CDC14B: variants seen among roughly 807,000 people sequenced by gnomAD.
CDC14B encodes the protein dual specificity protein phosphatase CDC14B.
A neutral mutation model predicts 64.2 loss-of-function variants in CDC14B; 22 were observed. The observed-to-expected ratio is 0.34, with a 90% CI of 0.24 to 0.49. The LOEUF is 0.49. Among genes scored for constraint, CDC14B ranks in the 20% least tolerant of loss-of-function variants. The pLI, the probability that CDC14B is intolerant of heterozygous loss-of-function variation, is 0.99. For synonymous variants in CDC14B, 191 were observed against 215.8 expected (o/e 0.89, Z 1.01); for missense variants, 498 against 629.9 (o/e 0.79, Z 2.24).
At chr9:96,592,082 G>GT (rs1845825180) in intron 1 of CDC14B, among the ~76,000 whole-genome samples, 1 of 151,036 alleles carries the variant, frequency 6.6e-6, no homozygotes, top group South Asian at 2.1e-4. Flanking sequence ...AACCTTAAGG[G>GT]TTTTTTTGTT....
chr9:96,554,121 G>A (rs759467834), intron 4 of CDC14B, among the ~76,000 whole-genome samples: 7 of 152,024 alleles, frequency 4.6e-5, no homozygotes, highest in Non-Finnish European at 7.4e-5. Flanking sequence ...CCGAGATCGC[G>A]CCACTGCACT....
intron 1 of CDC14B, among the ~76,000 whole-genome samples, chr9:96,569,935 T>C (rs1289592476): frequency 1.3e-5 from 2 of 152,188 alleles, no homozygotes; most frequent in African/African-American, 4.8e-5. Flanking sequence ...CGATTAACTT[T>C]ATAATCCTGT....
intron 4 of CDC14B, among the ~76,000 whole-genome samples, chr9:96,558,185 G>A (rs1338788091): frequency 2.0e-5 from 3 of 152,138 alleles, no homozygotes; most frequent in African/African-American, 7.2e-5. Context: ...AGAGAGGTTG[G>A]TTCTTTGGTA....
At chr9:96,541,566 C>T (rs1327914305) in intron 6 of CDC14B, among the ~76,000 whole-genome samples, 1 of 152,156 alleles carries the variant, frequency 6.6e-6, no homozygotes, top group African/African-American at 2.4e-5. Context: ...GGATCTAGAA[C>T]CTAATCGTAT....
At chr9:96,495,410 C>T (rs1367953680), downstream of CDC14B, among the ~76,000 whole-genome samples, 1 of 141,458 alleles carries the variant, frequency 7.1e-6, no homozygotes, top group Non-Finnish European at 1.6e-5. Flanking sequence ...CGCCCCCCGC[C>T]CCTGCCCAGG....
chr9:96,574,039 C>T (rs1186210786), intron 1 of CDC14B, among the ~76,000 whole-genome samples: 2 of 151,592 alleles, frequency 1.3e-5, no homozygotes, highest in East Asian at 1.9e-4. Context: ...CCCAGCTACT[C>T]GGGAGGCTGA....
At chr9:96,554,939 C>A (rs1842301766) in intron 4 of CDC14B, among the ~76,000 whole-genome samples, 1 of 152,216 alleles carries the variant, frequency 6.6e-6, no homozygotes, top group Admixed American at 6.5e-5. Context: ...TGATCTATCA[C>A]CGTGCTTCTG....
At chr9:96,613,216 A>G (rs181543919) in intron 1 of CDC14B, among the ~76,000 whole-genome samples, 1 of 152,320 alleles carries the variant, frequency 6.6e-6, no homozygotes, top group Non-Finnish European at 1.5e-5. Flanking sequence ...CTGTCCTATC[A>G]ATTCAGTGAT....
intron 1 of CDC14B, among the ~76,000 whole-genome samples, chr9:96,570,508 T>C (rs1232456811): frequency 6.6e-6 from 1 of 152,202 alleles, no homozygotes; most frequent in East Asian, 1.9e-4. Context: ...AAGGAGATTT[T>C]ACATGCTAGG....
chr9:96,556,281 T>C (rs192140447), intron 4 of CDC14B, among the ~76,000 whole-genome samples: 28 of 152,154 alleles, frequency 1.8e-4, no homozygotes, highest in Admixed American at 5.2e-4. Context: ...AAGACTCTTG[T>C]GACTATTTTC....
chr9:96,613,608 A>T (rs555432412), intron 1 of CDC14B, among the ~76,000 whole-genome samples: 1 of 152,364 alleles, frequency 6.6e-6, no homozygotes, highest in Non-Finnish European at 1.5e-5. Context: ...TGAAGAATTA[A>T]GCAAGCATAG....
At chr9:96,599,368 T>G (rs1441059312) in intron 1 of CDC14B, among the ~76,000 whole-genome samples, 1 of 148,648 alleles carries the variant, frequency 6.7e-6, no homozygotes, top group Non-Finnish European at 1.5e-5. Flanking sequence ...GCAACAAGAG[T>G]GAAACTCCGT....
chr9:96,619,134 C>T lies in CDC14B; in HGVS notation c.160+85G>A. On this transcript the variant is annotated intron_variant, in intron 1 of 13. Coordinates refer to ENST00000375241, the MANE Select transcript of CDC14B (RefSeq NM_033331.4). Reference sequence around the variant, plus strand: ...GCATTTCGGCCCGGCCCCGGAGGCCCCGGGCAGCCCGGTGGGAGGTGGGCC... The same window carrying T: ...GCATTTCGGCCCGGCCCCGGAGGCCTCGGGCAGCCCGGTGGGAGGTGGGCC... The T allele has an allele frequency of 2.6e-6, 3 of 1,134,406 alleles. No homozygotes were observed. In the South Asian group the frequency reaches 1.3e-4, roughly 49 times the overall value. 70.3% of individuals were successfully genotyped at this position (1,134,406 alleles called of 1,614,324 possible). A position where few individuals can be genotyped will look rare whatever the true frequency, so the allele number is the denominator to read the frequency against.
At chr9:96,524,396 G>A (rs1290507150) in intron 9 of CDC14B, among the ~76,000 whole-genome samples, 1 of 152,162 alleles carries the variant, frequency 6.6e-6, no homozygotes, top group Non-Finnish European at 1.5e-5. Flanking sequence ...GGGCATTTTA[G>A]AAAAACGGTA....
Position 96,541,803 on chromosome 9 carries a change from G to C in CDC14B, c.564+23C>G, listed in dbSNP as rs762853244. ...ATGTTAGTTCCTCAACACAACACTG[G>C]GTGCATCCTACATGTCACTCACCTT... is the stretch of plus-strand genomic sequence containing the variant. On this transcript the variant is annotated intron_variant, in intron 6 of 13. Transcript: ENST00000375241. 1.9e-5 allele frequency: 29 copies of C among 1,551,066 alleles called. No homozygotes were observed. The Admixed American group carries it at 4.8e-4, about 26-fold the overall frequency.
intron 4 of CDC14B, among the ~76,000 whole-genome samples, chr9:96,552,450 T>G (rs1841955265): frequency 6.6e-6 from 1 of 152,242 alleles, no homozygotes. Flanking sequence ...AGTATATTCT[T>G]CAGCATTTGA....
intron 1 of CDC14B, among the ~76,000 whole-genome samples, chr9:96,602,056 C>G (rs1389860118): frequency 1.3e-5 from 2 of 152,054 alleles, no homozygotes; most frequent in Non-Finnish European, 2.9e-5. Context: ...GAGACTCAGT[C>G]TCAAAAACAA....
At chr9:96,511,153 G>T (rs1834855865) in intron 12 of CDC14B, among the ~76,000 whole-genome samples, 1 of 152,140 alleles carries the variant, frequency 6.6e-6, no homozygotes, top group African/African-American at 2.4e-5. Flanking sequence ...CTACCACCAT[G>T]CTGGCTAATA....
intron 1 of CDC14B, among the ~76,000 whole-genome samples, chr9:96,597,563 A>G (rs1846170226): frequency 6.6e-6 from 1 of 152,020 alleles, no homozygotes; most frequent in Non-Finnish European, 1.5e-5. Context: ...AAAAATGAAA[A>G]ATGTCAACCT....
Sources: gnomAD v4.1 joint callset for allele counts (sites outside exome capture counted in the v4.1 genomes callset) on GRCh38, gnomAD v4.1.1 for gene constraint, MANE v1.5 for transcripts, NCBI Gene and HGNC (gene_info 2026-07-23, HGNC 2026-07-21) for gene names.